CPEB4: variants seen among roughly 807,000 people sequenced by gnomAD.
CPEB4 encodes cytoplasmic polyadenylation element binding protein 4.
In CPEB4, 12 loss-of-function variants were observed where a neutral mutation model predicts 72.5. That is an observed-to-expected ratio of 0.17 (90% confidence interval 0.11 to 0.27). The LOEUF (loss-of-function observed/expected upper bound fraction) is 0.27, where lower values mean the gene tolerates loss of function less well. CPEB4 is among the 10% of genes least tolerant of loss of function. The pLI is 1.00. For missense variants in CPEB4, 614 were observed against 908.5 expected (o/e 0.68, Z 4.17); for synonymous variants, 302 against 326.3 (o/e 0.93, Z 0.80).
chr5:173,902,646 T>G (rs1233547820), intron 1 of CPEB4, among the ~76,000 whole-genome samples: 1 of 151,760 alleles, frequency 6.6e-6, no homozygotes, highest in African/African-American at 2.4e-5. Flanking sequence ...CATTCTCTAA[T>G]GAAAATAAGC....
intron 9 of CPEB4, among the ~76,000 whole-genome samples, chr5:173,954,403 C>G (rs1465643104): frequency 6.6e-6 from 1 of 152,174 alleles, no homozygotes; most frequent in Non-Finnish European, 1.5e-5. Flanking sequence ...GATGGAGTCT[C>G]TCTCCGTCAC....
chr5:173,942,384 T>A (rs1216393334), intron 3 of CPEB4, among the ~76,000 whole-genome samples: 2 of 152,250 alleles, frequency 1.3e-5, no homozygotes, highest in African/African-American at 4.8e-5. Context: ...AGTATTCCAG[T>A]GGATTATTAA....
At chr5:173,927,632 C>G (rs548600407) in intron 2 of CPEB4, among the ~76,000 whole-genome samples, 5 of 152,194 alleles carry the variant, frequency 3.3e-5, no homozygotes, top group Non-Finnish European at 7.4e-5. Flanking sequence ...CAAAAATTAT[C>G]TGTGTGTGGT....
rs1758337197 is a variant in CPEB4 at position 173,955,133 on chromosome 5, C to G, written c.1963-777C>G. On this transcript the variant is annotated intron_variant, in intron 9 of 9. Coordinates refer to ENST00000265085, the MANE Select transcript of CPEB4 (RefSeq NM_030627.4). The surrounding 1 kb of genome is among the most constrained non-coding windows in gnomAD (Gnocchi z 4.7). Reference sequence around the variant, plus strand: ...AGTTTCAGCCATGAATCTCTCCAGACTAAAAATAACCAGCTCTTTTCTAGC... The same window carrying G: ...AGTTTCAGCCATGAATCTCTCCAGAGTAAAAATAACCAGCTCTTTTCTAGC... 6.6e-6 allele frequency among the ~76,000 whole-genome samples: 1 copy of G among 152,188 alleles called. No homozygotes were observed. The highest frequency in any genetic ancestry group is 1.5e-5 in the Non-Finnish European group (1 of 68,040).
At chr5:173,897,728 C>T (rs188862632) in intron 1 of CPEB4, among the ~76,000 whole-genome samples, 13 of 151,988 alleles carry the variant, frequency 8.6e-5, no homozygotes, top group African/African-American at 2.7e-4. Flanking sequence ...TTTTTATTAA[C>T]GTAGTCATTA....
In CPEB4 at chr5:173,898,675, T is replaced by A. The variant is rs138706590; in HGVS notation, c.1125+7817T>A. Reference sequence around the variant, plus strand: ...CGTGTGTAACTGGTGTGTGATAATTTGAACTTAATTTTATTTTTTGAGACA... The same window carrying A: ...CGTGTGTAACTGGTGTGTGATAATTAGAACTTAATTTTATTTTTTGAGACA... On this transcript the variant is annotated intron_variant, in intron 1 of 9. Transcript: ENST00000265085. 8.3e-4 allele frequency among the ~76,000 whole-genome samples: 127 copies of A among 152,330 alleles called. 1 individual carries two copies. The highest frequency in any genetic ancestry group is 3.0e-3 in the African/African-American group (123 of 41,586).
intron 1 of CPEB4, among the ~76,000 whole-genome samples, chr5:173,906,343 T>C (rs73322760): frequency 6.6e-6 from 1 of 152,324 alleles, no homozygotes; most frequent in African/African-American, 2.4e-5. Context: ...TTGTTAAAAA[T>C]GGACAGAAAA....
intron 2 of CPEB4, among the ~76,000 whole-genome samples, chr5:173,919,667 G>A (rs778244277): frequency 1.3e-5 from 2 of 152,158 alleles, no homozygotes; most frequent in African/African-American, 4.8e-5. Context: ...AATCCATGAC[G>A]ATGTTATTTG....
intron 1 of CPEB4, among the ~76,000 whole-genome samples, chr5:173,894,945 C>A (rs879473087): frequency 6.6e-6 from 1 of 152,126 alleles, no homozygotes; most frequent in East Asian, 1.9e-4. Context: ...ATTGAGTATA[C>A]TTGTTTATCA....
rs1416551147 is a variant in CPEB4, at chr5:173,892,961, T to C, written c.1125+2103T>C. 2.0e-5 allele frequency: 3 copies of C among 151,694 alleles called. No homozygotes were observed. In the East Asian group the frequency reaches 5.8e-4, roughly 29 times the overall value. The allele number at this position is 151,694 out of a possible 1,614,324, so 9.4% of individuals were successfully genotyped here. On this transcript the variant is annotated intron_variant, in intron 1 of 9. Coordinates refer to ENST00000265085, the MANE Select transcript of CPEB4 (RefSeq NM_030627.4). ...AATATGGTAAGATTCAAAAGTAAAT[T>C]GTTAATTCTGCTCCTCATCCCCACC... is the stretch of plus-strand genomic sequence containing the variant.
rs1043459052 is a variant in CPEB4 at position 173,958,198 on chromosome 5, A to C, written c.*2061A>C. On this transcript the variant is annotated 3_prime_UTR_variant, in exon 10 of 10. Coordinates refer to ENST00000265085, the MANE Select transcript of CPEB4 (RefSeq NM_030627.4). Reference sequence around the variant, plus strand: ...TGAATAATAATTTTTCCCTTTGTACATGACCTGCTGAATTTCGGTACAGTG... The same window carrying C: ...TGAATAATAATTTTTCCCTTTGTACCTGACCTGCTGAATTTCGGTACAGTG... 1 of 152,744 alleles carries C rather than the reference A, an allele frequency of 6.5e-6. No individual in the cohort carries two copies. Among genetic ancestry groups the C allele is most frequent in the Non-Finnish European group, 1.5e-5 (1 of 68,022 alleles). The allele number at this position is 152,744 out of a possible 1,614,324, so 9.5% of individuals were successfully genotyped here. A position where few individuals can be genotyped will look rare whatever the true frequency, so the allele number is the denominator to read the frequency against.
intron 3 of CPEB4, among the ~76,000 whole-genome samples, chr5:173,934,511 A>G (rs761730298): frequency 9.2e-5 from 14 of 152,174 alleles, no homozygotes; most frequent in Admixed American, 2.0e-4. Flanking sequence ...TGGCTCCCCA[A>G]GCAAGACCCG....
At chr5:173,899,349 C>T (rs1397040108) in intron 1 of CPEB4, among the ~76,000 whole-genome samples, 1 of 152,068 alleles carries the variant, frequency 6.6e-6, no homozygotes, top group Non-Finnish European at 1.5e-5. Context: ...GTATGTGTCT[C>T]TAGAGGAGTC....
rs531752496 is a variant in CPEB4, at chr5:173,899,662, A to G, written c.1125+8804A>G. 7.9e-5 allele frequency among the ~76,000 whole-genome samples: 12 copies of G among 152,264 alleles called. No homozygotes were observed. In the East Asian group the frequency reaches 2.3e-3, roughly 29 times the overall value. ...ACACTTCTGTGGACTTGTGGGCAAG[A>G]CCTCTGAAAGGAAAGATGAGTGAGA... On this transcript the variant is annotated intron_variant, in intron 1 of 9. Coordinates refer to ENST00000265085, the MANE Select transcript of CPEB4 (RefSeq NM_030627.4).
rs1554090921 is a variant in CPEB4, at chr5:173,888,407, AGGCGGT to A, written c.-1321_-1316del. The stretch of plus-strand genomic sequence containing the variant: ...GCGGCTGCGGGACCCGGGCACCGGG[AGGCGGT>A]GGCGGCGGCGGCGGCGGCAGCAGCG... On this transcript the variant is annotated 5_prime_UTR_variant, in exon 1 of 10. Coordinates refer to ENST00000265085, the MANE Select transcript of CPEB4 (RefSeq NM_030627.4). The surrounding 1 kb of genome is among the most constrained non-coding windows in gnomAD (Gnocchi z 4.3). 2.2e-6 allele frequency: 1 copy of A among 451,830 alleles called. No homozygotes were observed. The highest frequency in any genetic ancestry group is 3.5e-5 in the East Asian group (1 of 28,912). The allele number at this position is 451,830 out of a possible 1,614,324, so 28.0% of individuals were successfully genotyped here. A position where few individuals can be genotyped will look rare whatever the true frequency, so the allele number is the denominator to read the frequency against.
Position 173,900,834 on chromosome 5 carries a change from A to G in CPEB4, c.1126-9689A>G, listed in dbSNP as rs965629107. ...GCCATGCTTTGTGCTCCTGCTGCCCATATACCTTATCTCACTGGCTTTTCA... is the reference window on the plus strand; with the variant it reads ...GCCATGCTTTGTGCTCCTGCTGCCCGTATACCTTATCTCACTGGCTTTTCA... On this transcript the variant is annotated intron_variant, in intron 1 of 9. Coordinates refer to ENST00000265085, the MANE Select transcript of CPEB4 (RefSeq NM_030627.4). This position sits in a 1 kb window ranked among gnomAD's most constrained non-coding sequence, Gnocchi z 4.4. Among the ~76,000 whole-genome samples the G allele has an allele frequency of 1.3e-5, 2 of 152,178 alleles. No individual in the cohort carries two copies. Among genetic ancestry groups the G allele is most frequent in the African/African-American group, 4.8e-5 (2 of 41,434 alleles).
At chr5:173,913,307 C>T (rs1045636848) in intron 2 of CPEB4, among the ~76,000 whole-genome samples, 25 of 151,954 alleles carry the variant, frequency 1.6e-4, no homozygotes, top group African/African-American at 6.0e-4. Context: ...AAGCAATTCT[C>T]CTGTCTCAGC....
intron 1 of CPEB4, among the ~76,000 whole-genome samples, chr5:173,893,518 T>G (rs1049008991): frequency 6.6e-6 from 1 of 152,142 alleles, no homozygotes; most frequent in African/African-American, 2.4e-5. Flanking sequence ...ATATTAGCAC[T>G]TCAATTTAAT....
chr5:173,927,043 C>T (rs567071984), intron 2 of CPEB4, among the ~76,000 whole-genome samples: 11 of 152,108 alleles, frequency 7.2e-5, no homozygotes, highest in Admixed American at 1.3e-4. Context: ...CCCAGCTACT[C>T]GGGAGGCTGA....
Sources: gnomAD v4.1 joint callset for allele counts (sites outside exome capture counted in the v4.1 genomes callset) on GRCh38, gnomAD v4.1.1 for gene constraint, Gnocchi (gnomAD v3.1) non-coding constraint, MANE v1.5 for transcripts, NCBI Gene and HGNC (gene_info 2026-07-23, HGNC 2026-07-21) for gene names.